Variants in NEK11 observed in about 807,000 individuals in gnomAD.
The protein encoded by NEK11 is serine/threonine-protein kinase Nek11.
A neutral mutation model predicts 80.7 loss-of-function variants in NEK11; 72 were observed. That is an observed-to-expected ratio of 0.89 (90% CI 0.74 to 1.08). The LOEUF (loss-of-function observed/expected upper bound fraction) is 1.08. Ranked by LOEUF, NEK11 falls within the 50% of genes least tolerant of loss-of-function variation. The pLI is 0.00. For synonymous variants in NEK11, 251 were observed against 260.7 expected (o/e 0.96, Z 0.36); for missense variants, 764 against 763.6 (o/e 1.00, Z -0.01).
chr3:131,201,756 A>G (rs1283351851), intron 14 of NEK11, among the ~76,000 whole-genome samples: 2 of 151,970 alleles, frequency 1.3e-5, no homozygotes, highest in Admixed American at 6.6e-5. Context: ...GGCATCCTGT[A>G]TAACTACTCC....
intron 14 of NEK11, among the ~76,000 whole-genome samples, chr3:131,172,119 G>A (rs937676884): frequency 1.3e-5 from 2 of 152,216 alleles, no homozygotes; most frequent in African/African-American, 2.4e-5. Flanking sequence ...CTCTAGCAAA[G>A]TCAGCCATCC....
intron 3 of NEK11, among the ~76,000 whole-genome samples, chr3:131,060,383 C>T (rs572425864): frequency 5.3e-5 from 8 of 152,114 alleles, no homozygotes; most frequent in African/African-American, 1.2e-4. Context: ...CTTTTTTCAT[C>T]GAGGCAATTT....
chr3:131,144,268 C>T (rs1363830332), intron 7 of NEK11, among the ~76,000 whole-genome samples: 2 of 152,086 alleles, frequency 1.3e-5, no homozygotes, highest in Non-Finnish European at 2.9e-5. Context: ...TGTATTCATA[C>T]TCCCTCAGGG....
chr3:131,029,516 C>G (rs2064467681), intron 2 of NEK11, 97 bp from the exon 3 acceptor site: 1 of 450,720 alleles, frequency 2.2e-6, no homozygotes, highest in African/African-American at 2.0e-5. Flanking sequence ...TGGTGTCAGT[C>G]TGCTGATCAA....
intron 17 of NEK11, among the ~76,000 whole-genome samples, chr3:131,305,824 C>A (rs2096717737): frequency 1.3e-5 from 2 of 152,148 alleles, no homozygotes; most frequent in African/African-American, 4.8e-5. Context: ...CCACGCAGGG[C>A]TCCCAGCTTC....
At chr3:131,194,551 A>G (rs1445807023) in intron 14 of NEK11, among the ~76,000 whole-genome samples, 1 of 151,964 alleles carries the variant, frequency 6.6e-6, no homozygotes, top group Non-Finnish European at 1.5e-5. Flanking sequence ...AGTCATTTTC[A>G]TTTTTTGAGT....
At chr3:131,155,405 A>C (rs1307328088) in intron 10 of NEK11, among the ~76,000 whole-genome samples, 1 of 152,178 alleles carries the variant, frequency 6.6e-6, no homozygotes, top group African/African-American at 2.4e-5. Context: ...TATCTCAAAT[A>C]TTTAGTAACA....
At chr3:131,085,777 A>G (rs1225856130) in intron 4 of NEK11, among the ~76,000 whole-genome samples, 1 of 152,160 alleles carries the variant, frequency 6.6e-6, no homozygotes, top group Non-Finnish European at 1.5e-5. Flanking sequence ...ATCATAGTAT[A>G]ATTATCAAAA....
Position 131,132,948 on chromosome 3 carries a change from A to G in NEK11, c.520+139A>G, listed in dbSNP as rs566404458. The G allele has an allele frequency of 9.5e-6, 5 of 525,688 alleles. No individual in the cohort carries two copies. The East Asian group carries it at 1.7e-4, about 18-fold the overall frequency. The allele number at this position is 525,688 out of a possible 1,614,324, so 32.6% of individuals were successfully genotyped here. A position where few individuals can be genotyped will look rare whatever the true frequency, so the allele number is the denominator to read the frequency against. On this transcript the variant is annotated intron_variant, in intron 6 of 17. Coordinates refer to ENST00000383366, the MANE Select transcript of NEK11 (RefSeq NM_024800.5). ...TTAAATTTCTCAAATTTTTAAGTAC[A>G]TGTGCTGCTGAAATGAACACTAAAT...
At chr3:131,050,861 T>C (rs2068269466) in intron 3 of NEK11, among the ~76,000 whole-genome samples, 1 of 90,362 alleles carries the variant, frequency 1.1e-5, no homozygotes, top group African/African-American at 4.4e-5. Context: ...AGACTCTGTC[T>C]TTACAAATAG....
intron 7 of NEK11, among the ~76,000 whole-genome samples, chr3:131,134,478 G>A (rs976389326): frequency 6.6e-6 from 1 of 151,540 alleles, no homozygotes; most frequent in Non-Finnish European, 1.5e-5. Flanking sequence ...TCAGCTCACT[G>A]CAACCTCCAC....
At chr3:131,110,458 C>T (rs1394296092) in intron 5 of NEK11, among the ~76,000 whole-genome samples, 1 of 152,036 alleles carries the variant, frequency 6.6e-6, no homozygotes, top group Non-Finnish European at 1.5e-5. Flanking sequence ...TAATGAAGGT[C>T]AATTATTTTG....
intron 17 of NEK11, among the ~76,000 whole-genome samples, chr3:131,334,352 T>A (rs1440312907): frequency 1.3e-5 from 2 of 152,068 alleles, no homozygotes; most frequent in Non-Finnish European, 2.9e-5. Context: ...CTGAACAACC[T>A]GCTCCTGAAT....
At chr3:131,077,226 G>C (rs2074501663) in intron 3 of NEK11, among the ~76,000 whole-genome samples, 1 of 152,142 alleles carries the variant, frequency 6.6e-6, no homozygotes. Flanking sequence ...TGTTATTTAG[G>C]AGGGGTGACA....
chr3:131,335,147 C>T (rs2097160206), intron 17 of NEK11, among the ~76,000 whole-genome samples: 1 of 152,176 alleles, frequency 6.6e-6, no homozygotes. Flanking sequence ...GATACCAAAG[C>T]CTGGCAGAGA....
intron 16 of NEK11, among the ~76,000 whole-genome samples, chr3:131,252,623 T>A (rs1478611940): frequency 1.3e-5 from 2 of 152,120 alleles, no homozygotes; most frequent in African/African-American, 4.8e-5. Flanking sequence ...AGTGTATTAG[T>A]CTCCTTTATA....
At chr3:131,322,528 C>G (rs989444925) in intron 17 of NEK11, among the ~76,000 whole-genome samples, 2 of 152,156 alleles carry the variant, frequency 1.3e-5, no homozygotes, top group African/African-American at 4.8e-5. Context: ...TAAATGTAAT[C>G]ACTGCTCAAC....
chr3:131,194,999 C>T (rs1365210493), intron 14 of NEK11, among the ~76,000 whole-genome samples: 4 of 152,076 alleles, frequency 2.6e-5, no homozygotes, highest in Non-Finnish European at 2.9e-5. Context: ...TGGTAATGAG[C>T]GTGGTAAGAA....
At chr3:131,330,932 G>C (rs2097069259) in intron 17 of NEK11, 1 of 142,132 alleles carries the variant, frequency 7.0e-6, no homozygotes, top group African/African-American at 2.6e-5. Context: ...AGGAAGGGGG[G>C]GGGGCAAAAT....
Sources: allele counts gnomAD v4.1 joint callset (sites outside exome capture counted in the v4.1 genomes callset), GRCh38; gene constraint gnomAD v4.1.1; transcripts MANE v1.5; gene names NCBI Gene and HGNC (gene_info 2026-07-23, HGNC 2026-07-21).